The following VCAM1 variants were observed in gnomAD, a reference collection of about 807,000 sequenced individuals.
VCAM1 encodes the protein vascular cell adhesion protein 1.
Under a neutral mutation model 63.8 loss-of-function variants are expected in VCAM1, and 41 were observed. The observed-to-expected ratio is 0.64, with a 90% CI of 0.50 to 0.83. The LOEUF (loss-of-function observed/expected upper bound fraction) is 0.83. Among genes scored for constraint, VCAM1 ranks in the 40% least tolerant of loss-of-function variants. The probability of loss-of-function intolerance (pLI) is 0.00; values close to 1 mark genes in which losing one functional copy is unlikely to be tolerated. For synonymous variants in VCAM1, 338 were observed against 320.7 expected (o/e 1.05, Z -0.58); for missense variants, 798 against 875.5 (o/e 0.91, Z 1.12).
In VCAM1 at chr1:100,731,910, G is replaced by A. The variant is rs1660476339; in HGVS notation, c.1525+392G>A. On this transcript the variant is annotated intron_variant, in intron 6 of 8. Coordinates refer to ENST00000294728, the MANE Select transcript of VCAM1 (RefSeq NM_001078.4). The surrounding 1 kb of genome is among the most constrained non-coding windows in gnomAD (Gnocchi z 4.2). ...TTATGTGGTGTCACCCTGAGGAACA[G>A]TAGCCTAGATTTACTCTCCAGAGCT... 6.6e-6 allele frequency among the ~76,000 whole-genome samples: 1 copy of A among 152,180 alleles called. No individual in the cohort carries two copies. Among genetic ancestry groups the A allele is most frequent in the Admixed American group, 6.5e-5 (1 of 15,276 alleles).
rs1275055928 is a variant in VCAM1, at chr1:100,734,777, G to A, written c.2059+9G>A. On this transcript the variant is annotated intron_variant, in intron 8 of 8. Transcript: ENST00000294728. The stretch of plus-strand genomic sequence containing the variant: ...AACACTTGATGTTCAAGGTGAGTTT[G>A]TTTTGAGTTTTTGTTTTCTTGGTAA... The A allele has an allele frequency of 6.2e-7, 1 of 1,611,028 alleles. No homozygotes were observed.
rs766568545 is a variant in VCAM1 at position 100,738,129 on chromosome 1, A to G, written c.2066A>G (p.Glu689Gly). The change falls in exon 9 of 9, where the codon GAA becomes GGA. Residue 689 changes from glutamate (E) to glycine (G), a missense_variant. Coordinates refer to ENST00000294728, the MANE Select transcript of VCAM1 (RefSeq NM_001078.4). The stretch of plus-strand genomic sequence containing the variant: ...CCATTTTGTTATTTTCCAGGAAGAG[A>G]AAACAACAAAGACTATTTTTCTCCT... Reference protein sequence around the residue: ...RSLTLDVQGRENNKDYFSPEL... With the variant: ...RSLTLDVQGRGNNKDYFSPEL... 5.0e-6 allele frequency: 8 copies of G among 1,612,366 alleles called. No individual in the cohort carries two copies. In the East Asian group the frequency reaches 1.1e-4, roughly 22 times the overall value.
At chr1:100,723,731 T>G (rs1425879030) in intron 3 of VCAM1, among the ~76,000 whole-genome samples, 1 of 152,062 alleles carries the variant, frequency 6.6e-6, no homozygotes, top group Non-Finnish European at 1.5e-5. Flanking sequence ...TACAGAAACT[T>G]GACAAGGTGA....
At chr1:100,725,574 C>T (rs1219575505) in intron 4 of VCAM1, among the ~76,000 whole-genome samples, 1 of 151,970 alleles carries the variant, frequency 6.6e-6, no homozygotes, top group Non-Finnish European at 1.5e-5. Flanking sequence ...CCCAGGAATT[C>T]TGTATTCTGC....
At position 100,731,932 on chromosome 1, in the gene VCAM1, A is replaced by G. The variant is rs1443313897; in HGVS notation, c.1525+414A>G. Among the ~76,000 whole-genome samples, 2 of 152,084 alleles carry G rather than the reference A, an allele frequency of 1.3e-5. No homozygotes were observed. The highest frequency in any genetic ancestry group is 2.9e-5 in the Non-Finnish European group (2 of 67,994). On this transcript the variant is annotated intron_variant, in intron 6 of 8. Coordinates refer to ENST00000294728, the MANE Select transcript of VCAM1 (RefSeq NM_001078.4). This position sits in a 1 kb window ranked among gnomAD's most constrained non-coding sequence, Gnocchi z 4.2. ...ACAGTAGCCTAGATTTACTCTCCAG[A>G]GCTCAGTGTTTCAAGAAGGTGTAAA...
chr1:100,732,274 G>A, intron 6 of VCAM1, 144 bp from the exon 7 acceptor site: 1 of 817,564 alleles, frequency 1.2e-6, no homozygotes, highest in East Asian at 2.8e-5. Flanking sequence ...AGTAAATGAG[G>A]ACCAAAACCT....
chr1:100,719,793 G>GCA lies in VCAM1; in HGVS notation c.-61_-60dup. On this transcript the variant is annotated 5_prime_UTR_variant, in exon 1 of 9. Coordinates refer to ENST00000294728, the MANE Select transcript of VCAM1 (RefSeq NM_001078.4). ...CTTCAGGAGCTGAATACCCTCCCAG[G>GCA]CACACACAGGTGGGACACAAATAAG... 1.3e-6 allele frequency: 2 copies of GCA among 1,540,154 alleles called. No individual in the cohort carries two copies. Among genetic ancestry groups the GCA allele is most frequent in the Non-Finnish European group, 1.8e-6 (2 of 1,123,572 alleles).
At chr1:100,722,911 G>A (rs1660004076) in intron 2 of VCAM1, 109 bp from the exon 3 acceptor site, 2 of 1,230,272 alleles carry the variant, frequency 1.6e-6, no homozygotes, top group South Asian at 1.6e-5. Flanking sequence ...GTCGTATTAA[G>A]ACTGTATTAA....
At chr1:100,720,977 GTA>G in intron 2 of VCAM1, among the ~76,000 whole-genome samples, 1 of 152,096 alleles carries the variant, frequency 6.6e-6, no homozygotes, top group Non-Finnish European at 1.5e-5. Context: ...CAGTGACCAT[GTA>G]TAAGACTCAA....
chr1:100,722,308 G>A (rs369202111), intron 2 of VCAM1, among the ~76,000 whole-genome samples: 1 of 152,054 alleles, frequency 6.6e-6, no homozygotes, highest in African/African-American at 2.4e-5. Context: ...ATGTGTTCCA[G>A]AACATAAAGA....
chr1:100,733,949 A>G (rs1266617970), intron 7 of VCAM1, among the ~76,000 whole-genome samples: 1 of 152,350 alleles, frequency 6.6e-6, no homozygotes, highest in East Asian at 1.9e-4. Flanking sequence ...AATTTATAAA[A>G]GAGGTTTAAT....
At position 100,732,642 on chromosome 1, in the gene VCAM1, C is replaced by A. The variant is rs1660503910; in HGVS notation, c.1750C>A (p.Gln584Lys). Residue 584 changes from glutamine (Q) to lysine (K), a missense_variant, in exon 7 of 9, where the codon CAG (glutamine) becomes AAG (lysine). Gln to Lys is a moderately conservative substitution (Grantham distance 53). Transcript: ENST00000294728. ...SGVYLCEGIN[Q>K]AGRSRKEVEL... The stretch of plus-strand genomic sequence containing the variant: ...GGTTTATTTATGTGAAGGAATTAAC[C>A]AGGCTGGAAGAAGCAGAAAGGAAGT... 6.2e-7 allele frequency: 1 copy of A among 1,608,350 alleles called. No individual in the cohort carries two copies. Among genetic ancestry groups the A allele is most frequent in the African/African-American group, 1.3e-5 (1 of 74,576 alleles).
chr1:100,723,274 T>G lies in VCAM1; in HGVS notation c.595T>G (p.Leu199Val). ...AAAAGTTCTTGTTTGCCGAGCTAAA[T>G]TACACATTGATGAAATGGATTCTGT... The part of the protein sequence containing the change: ...IGKVLVCRAK[L>V]HIDEMDSVPT... Residue 199 changes from leucine (L) to valine (V), a missense_variant, in exon 3 of 9, where the codon TTA (leucine) becomes GTA (valine). Coordinates refer to ENST00000294728, the MANE Select transcript of VCAM1 (RefSeq NM_001078.4). 1 of 1,613,122 alleles carries G rather than the reference T, an allele frequency of 6.2e-7. No homozygotes were observed. Among genetic ancestry groups the G allele is most frequent in the Middle Eastern group, 1.7e-4 (1 of 6,050 alleles).
rs1418742038 is a variant in VCAM1 at position 100,731,546 on chromosome 1, T to C, written c.1525+28T>C. On this transcript the variant is annotated intron_variant, in intron 6 of 8. Coordinates refer to ENST00000294728, the MANE Select transcript of VCAM1 (RefSeq NM_001078.4). This position sits in a 1 kb window ranked among gnomAD's most constrained non-coding sequence, Gnocchi z 4.2. ...AAGTACATATGTGAGGTATCTACAGTTTAATACCTGTCTCTTTATCGTGTT... is the reference window on the plus strand; with the variant it reads ...AAGTACATATGTGAGGTATCTACAGCTTAATACCTGTCTCTTTATCGTGTT... 3.2e-6 allele frequency: 5 copies of C among 1,567,150 alleles called. No individual in the cohort carries two copies. The highest frequency in any genetic ancestry group is 4.3e-6 in the Non-Finnish European group (5 of 1,149,572).
chr1:100,731,162 T>C lies in VCAM1; in HGVS notation c.1205-36T>C. The C allele has an allele frequency of 6.4e-7, 1 of 1,551,292 alleles. No homozygotes were observed. The highest frequency in any genetic ancestry group is 1.7e-4 in the Middle Eastern group (1 of 5,754). On this transcript the variant is annotated intron_variant, in intron 5 of 8. Transcript: ENST00000294728. The surrounding 1 kb of genome is among the most constrained non-coding windows in gnomAD (Gnocchi z 4.2). ...GCTTAGCTCAATTTTTCCTTGAATA[T>C]CAAGAATAAAAATCGTTTTTGCTTG...
rs1427812942 is a variant in VCAM1 at position 100,731,815 on chromosome 1, G to T, written c.1525+297G>T. On this transcript the variant is annotated intron_variant, in intron 6 of 8. Coordinates refer to ENST00000294728, the MANE Select transcript of VCAM1 (RefSeq NM_001078.4). This position sits in a 1 kb window ranked among gnomAD's most constrained non-coding sequence, Gnocchi z 4.2. ...GTGCATTTTCAGTAAGGTTAGCAGG[G>T]CTGGCTGGTCTCAGATGACTTCACC... Among the ~76,000 whole-genome samples the T allele has an allele frequency of 6.6e-6, 1 of 152,156 alleles. No homozygotes were observed.
At chr1:100,720,061 C>T (rs1252169987) in intron 1 of VCAM1, 137 bp downstream of exon 1, 15 of 897,982 alleles carry the variant, frequency 1.7e-5, no homozygotes, top group Non-Finnish European at 2.2e-5. Context: ...TTTAGTCTAA[C>T]TTTTAATATG....
intron 6 of VCAM1, among the ~76,000 whole-genome samples, chr1:100,732,016 A>G (rs1451816269): frequency 3.3e-5 from 5 of 152,204 alleles, no homozygotes; most frequent in Non-Finnish European, 7.3e-5. Flanking sequence ...TTCTTCTTCC[A>G]CATTCAATTG....
Position 100,731,342 on chromosome 1 carries a change from TAG to T in VCAM1, c.1352_1353del (p.Glu451ValfsTer24). 6.2e-7 allele frequency: 1 copy of T among 1,613,780 alleles called. No individual in the cohort carries two copies. Among genetic ancestry groups the T allele is most frequent in the Non-Finnish European group, 8.5e-7 (1 of 1,179,848 alleles). On this transcript the variant is annotated frameshift_variant, in exon 6 of 9. Coordinates refer to ENST00000294728, the MANE Select transcript of VCAM1 (RefSeq NM_001078.4). LOFTEE classifies it high-confidence loss of function. The surrounding 1 kb of genome is among the most constrained non-coding windows in gnomAD (Gnocchi z 4.2). ...AAGGGGGAGACTATTCTGGAGAATA[TAG>T]AGTTTTTGGAGGATACGGATATGAA...
Sources: allele counts gnomAD v4.1 joint callset (sites outside exome capture counted in the v4.1 genomes callset), GRCh38; gene constraint gnomAD v4.1.1; non-coding constraint Gnocchi (gnomAD v3.1); transcripts MANE v1.5; gene names NCBI Gene and HGNC (gene_info 2026-07-23, HGNC 2026-07-21).